Variants in CASD1 observed in about 807,000 individuals in gnomAD.
The protein encoded by CASD1 is CAS1 domain sialic acid O acetyltransferase 1, also known as N-acetylneuraminate (7)9-O-acetyltransferase.
CASD1 carries 41 observed loss-of-function variants against 100.0 expected under a neutral mutation model. The ratio of observed to expected loss-of-function variants is 0.41; its 90% confidence interval spans 0.32 to 0.53. The LOEUF (loss-of-function observed/expected upper bound fraction) is 0.53. Ranked by LOEUF, CASD1 falls within the 20% of genes least tolerant of loss-of-function variation. CASD1 has a pLI of 0.25. For synonymous variants in CASD1, 321 were observed against 315.6 expected (o/e 1.02, Z -0.18); for missense variants, 774 against 948.7 (o/e 0.82, Z 2.42).
chr7:94,621,564 AG>A, the CASD1 span: 1 of 152,230 alleles, frequency 6.6e-6, no homozygotes, highest in Admixed American at 6.5e-5. Flanking sequence ...TTGAGAAGGA[AG>A]AAGTTCAAAC....
chr7:94,537,094 C>T (rs998090886), intron 8 of CASD1, among the ~76,000 whole-genome samples: 1 of 151,416 alleles, frequency 6.6e-6, no homozygotes, highest in Admixed American at 6.6e-5. Flanking sequence ...TGTCTGTCAG[C>T]ATTTTTTAAC....
At chr7:94,534,501 A>G (rs1246159061) in intron 7 of CASD1, among the ~76,000 whole-genome samples, 2 of 152,226 alleles carry the variant, frequency 1.3e-5, no homozygotes, top group African/African-American at 4.8e-5. Context: ...AATTAAATAA[A>G]ATACACTTTT....
At chr7:94,535,223 A>C in intron 7 of CASD1, 86 bp from the exon 8 acceptor site, 1 of 944,910 alleles carries the variant, frequency 1.1e-6, no homozygotes, top group Non-Finnish European at 1.7e-6. Flanking sequence ...TAACATATGA[A>C]ATGTGGAACA....
At chr7:94,552,727 A>G (rs893039635) in intron 16 of CASD1, among the ~76,000 whole-genome samples, 2 of 152,236 alleles carry the variant, frequency 1.3e-5, no homozygotes, top group African/African-American at 4.8e-5. Flanking sequence ...ACCTGAGGTT[A>G]GGAGTTTGAG....
the CASD1 span, among the ~76,000 whole-genome samples, chr7:94,612,506 G>A: frequency 1.3e-5 from 2 of 152,096 alleles, no homozygotes; most frequent in African/African-American, 4.8e-5. Context: ...TTTTATGGCA[G>A]TATAATTTCT....
At chr7:94,569,644 A>G in the CASD1 span, among the ~76,000 whole-genome samples, 12 of 151,708 alleles carry the variant, frequency 7.9e-5, no homozygotes, top group Non-Finnish European at 1.6e-4. Flanking sequence ...GAGTCTATCT[A>G]TGTTGTCCAG....
At chr7:94,534,239 T>A (rs1446183546) in intron 7 of CASD1, among the ~76,000 whole-genome samples, 1 of 148,102 alleles carries the variant, frequency 6.8e-6, no homozygotes, top group African/African-American at 2.5e-5. Context: ...CGATCTTGGC[T>A]CACTGCAACC....
At chr7:94,631,561 A>T in the CASD1 span, among the ~76,000 whole-genome samples, 1 of 151,956 alleles carries the variant, frequency 6.6e-6, no homozygotes, top group South Asian at 2.1e-4. Flanking sequence ...TTAAAATACT[A>T]CAGTAGTAGG....
chr7:94,628,101 TA>T, the CASD1 span: 1 of 845,828 alleles, frequency 1.2e-6, no homozygotes, highest in Non-Finnish European at 1.9e-6. Context: ...CACCATCAGG[TA>T]ACTTTAGTTT....
chr7:94,587,537 A>G, the CASD1 span: 1 of 1,298,496 alleles, frequency 7.7e-7, no homozygotes, highest in Non-Finnish European at 9.7e-7. Context: ...TAGCTGTGAA[A>G]TTAGTGGTAG....
intron 14 of CASD1, 71 bp from the exon 15 acceptor site, chr7:94,551,267 A>G (rs1795932286): frequency 1.6e-6 from 2 of 1,269,662 alleles, no homozygotes; most frequent in Non-Finnish European, 1.1e-6. Context: ...TATATTCCTC[A>G]CTAACCAAAT....
intron 2 of CASD1, among the ~76,000 whole-genome samples, 195 bp from the exon 3 acceptor site, chr7:94,518,008 A>G (rs1794063043): frequency 6.6e-6 from 1 of 152,254 alleles, no homozygotes; most frequent in East Asian, 1.9e-4. Flanking sequence ...CATGTAATGT[A>G]TCGAGCTATT....
chr7:94,606,685 G>A, the CASD1 span, among the ~76,000 whole-genome samples: 2 of 152,072 alleles, frequency 1.3e-5, no homozygotes, highest in South Asian at 2.1e-4. Flanking sequence ...TTCTTCTTAA[G>A]TACACATGAA....
the CASD1 span, among the ~76,000 whole-genome samples, chr7:94,574,838 CG>C: frequency 9.2e-5 from 14 of 151,964 alleles, no homozygotes; most frequent in African/African-American, 3.4e-4. Context: ...GGCATGGCAG[CG>C]GGCACCTGTA....
the CASD1 span, among the ~76,000 whole-genome samples, chr7:94,602,810 T>C: frequency 6.6e-6 from 1 of 152,318 alleles, no homozygotes; most frequent in East Asian, 1.9e-4. Flanking sequence ...GATTCTAACT[T>C]TCTTCACTTG....
At chr7:94,539,102 A>C in intron 10 of CASD1, 46 bp downstream of exon 10, 1 of 1,173,892 alleles carries the variant, frequency 8.5e-7, no homozygotes, top group Non-Finnish European at 1.3e-6. Context: ...AAGTGATGTC[A>C]TTTTAATGTT....
chr7:94,586,976 T>C, the CASD1 span: 1 of 984,302 alleles, frequency 1.0e-6, no homozygotes, highest in Non-Finnish European at 1.2e-6. Flanking sequence ...GTCTATAATA[T>C]GATCCAAATT....
chr7:94,588,160 A>G, the CASD1 span: 1 of 1,112,292 alleles, frequency 9.0e-7, no homozygotes, highest in Non-Finnish European at 1.1e-6. Context: ...AGCAAGTCTT[A>G]GGGAAATAGA....
intron 13 of CASD1, 56 bp downstream of exon 13, chr7:94,547,231 C>A (rs770993673): frequency 2.3e-6 from 3 of 1,295,026 alleles, no homozygotes; most frequent in Non-Finnish European, 3.2e-6. Flanking sequence ...AAGTTCAAGT[C>A]TATTAAAGCA....
Sources: allele counts gnomAD v4.1 joint callset (sites outside exome capture counted in the v4.1 genomes callset), GRCh38; gene constraint gnomAD v4.1.1; transcripts MANE v1.5; gene names NCBI Gene and HGNC (gene_info 2026-07-23, HGNC 2026-07-21).